Variants in THADA observed in about 807,000 individuals in gnomAD.
THADA encodes THADA armadillo repeat containing, also known as tRNA (32-2'-O)-methyltransferase regulator THADA.
In THADA, 213 loss-of-function variants were observed where a neutral mutation model predicts 219.8. The observed-to-expected ratio is 0.97, with a 90% CI of 0.87 to 1.09. The LOEUF is 1.09. Ranked by LOEUF, THADA falls within the 50% of genes least tolerant of loss-of-function variation. THADA has a pLI of 0.00. For synonymous variants in THADA, 1,018 were observed against 828.9 expected (o/e 1.23, Z -3.92); for missense variants, 2,956 against 2,311.3 (o/e 1.28, Z -5.72).
intron 22 of THADA, among the ~76,000 whole-genome samples, chr2:43,527,598 T>TA (rs142899117): frequency 0.064 from 9,483 of 147,980 alleles, 696 homozygotes; most frequent in African/African-American, 0.18. Flanking sequence ...TTTCATTCAA[T>TA]AAAAAAAAAA....
chr2:43,576,960 A>G lies in THADA; in HGVS notation c.1037+62T>C, dbSNP rs1699919130. ...AGGCACAAGCCACTCCAGCTTTTGG[A>G]CTGCATCTTCTAAATGTCTTACAAG... On this transcript the variant is annotated intron_variant, in intron 10 of 37. Transcript: ENST00000405975. 2.1e-6 allele frequency: 3 copies of G among 1,452,664 alleles called. No homozygotes were observed. In the South Asian group the frequency reaches 3.7e-5, roughly 18 times the overall value. The allele number at this position is 1,452,664 out of a possible 1,614,324, so 90.0% of individuals were successfully genotyped here.
intron 29 of THADA, among the ~76,000 whole-genome samples, chr2:43,383,804 T>C (rs1672314973): frequency 6.6e-6 from 1 of 152,130 alleles, no homozygotes; most frequent in Non-Finnish European, 1.5e-5. Context: ...CAGCAACCTA[T>C]TGCATCTGTG....
At chr2:43,499,017 C>A (rs994222595) in intron 24 of THADA, 62 bp from the exon 25 acceptor site, 2 of 1,525,062 alleles carry the variant, frequency 1.3e-6, no homozygotes, top group South Asian at 2.5e-5. Context: ...TAAATCTACA[C>A]ATATCCAATA....
chr2:43,446,180 T>A (rs1210490765), intron 26 of THADA, among the ~76,000 whole-genome samples: 1 of 152,246 alleles, frequency 6.6e-6, no homozygotes, highest in Non-Finnish European at 1.5e-5. Flanking sequence ...AATCTCACAA[T>A]CAATTAACTG....
chr2:43,515,170 A>T (rs1313307766), intron 22 of THADA, among the ~76,000 whole-genome samples: 5 of 12,640 alleles, frequency 4.0e-4, no homozygotes, highest in African/African-American at 6.2e-4. Flanking sequence ...TATATAATAT[A>T]TTATATATTA....
At chr2:43,535,234 A>T in intron 21 of THADA, among the ~76,000 whole-genome samples, 1 of 127,694 alleles carries the variant, frequency 7.8e-6, no homozygotes, top group African/African-American at 3.1e-5. Context: ...TTTGGACATT[A>T]ATCCTGTCAG....
At chr2:43,460,235 T>TCATAAAA (rs1683462434) in intron 26 of THADA, among the ~76,000 whole-genome samples, 1 of 90,186 alleles carries the variant, frequency 1.1e-5, no homozygotes, top group African/African-American at 4.8e-5. Flanking sequence ...AGCTTTCTCT[T>TCATAAAA]AATAAAAAAA....
intron 15 of THADA, chr2:43,563,255 C>T (rs1275267877): frequency 1.3e-5 from 2 of 152,088 alleles, no homozygotes; most frequent in African/African-American, 4.8e-5. Context: ...TTTTTGCTTT[C>T]ATTCATCTCA....
At chr2:43,353,835 T>TTTTTTTG (rs1668563772) in intron 29 of THADA, among the ~76,000 whole-genome samples, 2 of 151,530 alleles carry the variant, frequency 1.3e-5, no homozygotes, top group African/African-American at 4.9e-5. Flanking sequence ...TTTTTTTTTT[T>TTTTTTTG]GAGATGTAGT....
intron 19 of THADA, among the ~76,000 whole-genome samples, chr2:43,551,263 T>G (rs181412757): frequency 1.1e-4 from 17 of 152,356 alleles, no homozygotes; most frequent in Admixed American, 5.9e-4. Context: ...GATTTTTCTG[T>G]GTATTAAAAG....
intron 26 of THADA, 105 bp downstream of exon 26, chr2:43,485,129 C>T: frequency 2.5e-6 from 2 of 806,608 alleles, no homozygotes; most frequent in East Asian, 2.5e-5. Flanking sequence ...TAGTTTTATG[C>T]TCTAGATGAA....
rs72867091 is a variant in THADA, at chr2:43,593,214, G to A, written c.-24-798C>T. 7.8e-3 allele frequency among the ~76,000 whole-genome samples: 1,182 copies of A among 152,262 alleles called. 18 individuals are homozygous for A. The highest frequency in any genetic ancestry group is 0.027 in the African/African-American group (1,122 of 41,538). On this transcript the variant is annotated intron_variant, in intron 1 of 37. Coordinates refer to ENST00000405975, the MANE Select transcript of THADA (RefSeq NM_022065.5). ...AAACAGGTCAATAAACTGGAATAACGAGCAATATGAAATTTACCAAGATGA... is the reference window on the plus strand; with the variant it reads ...AAACAGGTCAATAAACTGGAATAACAAGCAATATGAAATTTACCAAGATGA...
At chr2:43,428,784 A>G (rs904207363) in intron 27 of THADA, among the ~76,000 whole-genome samples, 1 of 152,164 alleles carries the variant, frequency 6.6e-6, no homozygotes, top group Non-Finnish European at 1.5e-5. Context: ...TATCATTTAC[A>G]TAATTAGAGT....
chr2:43,427,291 G>A (rs1678578753), intron 28 of THADA, among the ~76,000 whole-genome samples: 1 of 152,076 alleles, frequency 6.6e-6, no homozygotes, highest in South Asian at 2.1e-4. Context: ...CTCAACACAG[G>A]AATAACGCAA....
chr2:43,384,455 T>C lies in THADA; in HGVS notation c.4227+13516A>G, dbSNP rs1156402562. On this transcript the variant is annotated intron_variant, in intron 29 of 37. Transcript: ENST00000405975. ...GTGTGGATTGTAATTACATTTCTAA[T>C]TTACTCTAAGAGTTTCCTTTGAAGA... Among the ~76,000 whole-genome samples, 3 of 152,314 alleles carry C rather than the reference T, an allele frequency of 2.0e-5. No individual in the cohort carries two copies. The East Asian group carries it at 5.8e-4, about 29-fold the overall frequency.
chr2:43,239,314 T>C (rs750177457), intron 36 of THADA, among the ~76,000 whole-genome samples: 28 of 152,210 alleles, frequency 1.8e-4, no homozygotes, highest in Non-Finnish European at 4.1e-4. Flanking sequence ...TATGTGCTGA[T>C]ACTCCCTGGT....
At chr2:43,445,660 T>G (rs1011408146) in intron 26 of THADA, among the ~76,000 whole-genome samples, 1 of 152,098 alleles carries the variant, frequency 6.6e-6, no homozygotes, top group African/African-American at 2.4e-5. Flanking sequence ...AGCCATAGGA[T>G]TTTTGGACTT....
At chr2:43,279,989 T>A in intron 35 of THADA, 93 bp from the exon 36 acceptor site, 1 of 1,215,314 alleles carries the variant, frequency 8.2e-7, no homozygotes, top group Non-Finnish European at 1.1e-6. Flanking sequence ...GAGAGGAGCA[T>A]TGAATGAGTT....
At chr2:43,594,487 G>A (rs1169375334) in intron 1 of THADA, among the ~76,000 whole-genome samples, 2 of 152,102 alleles carry the variant, frequency 1.3e-5, no homozygotes, top group Non-Finnish European at 2.9e-5. Flanking sequence ...CGGAGGCTGA[G>A]GCAGGAGAAT....
Sources: allele counts gnomAD v4.1 joint callset (sites outside exome capture counted in the v4.1 genomes callset), GRCh38; gene constraint gnomAD v4.1.1; transcripts MANE v1.5; gene names NCBI Gene and HGNC (gene_info 2026-07-23, HGNC 2026-07-21).